ZDHHC5: variants seen among roughly 807,000 people sequenced by gnomAD.
ZDHHC5 encodes the protein palmitoyltransferase ZDHHC5.
A neutral mutation model predicts 70.0 loss-of-function variants in ZDHHC5; 22 were observed. The observed-to-expected ratio is 0.31, with a 90% CI of 0.22 to 0.45. ZDHHC5 has a LOEUF of 0.45. ZDHHC5 is among the 20% of genes least tolerant of loss of function. The pLI is 1.00. For synonymous variants in ZDHHC5, 313 were observed against 347.8 expected (o/e 0.90, Z 1.11); for missense variants, 746 against 926.9 (o/e 0.80, Z 2.53).
chr11:57,680,691 C>T (rs1388313540), intron 2 of ZDHHC5, among the ~76,000 whole-genome samples: 1 of 152,212 alleles, frequency 6.6e-6, no homozygotes, highest in Non-Finnish European at 1.5e-5. Flanking sequence ...TAGGGAGGGG[C>T]TCTGACCTGG....
At chr11:57,678,431 C>T (rs553981836) in intron 2 of ZDHHC5, among the ~76,000 whole-genome samples, 2 of 151,882 alleles carry the variant, frequency 1.3e-5, no homozygotes, top group East Asian at 1.9e-4. Flanking sequence ...ATTAGCCAGG[C>T]GTGGTGGTGG....
intron 2 of ZDHHC5, among the ~76,000 whole-genome samples, chr11:57,675,632 C>T (rs563644278): frequency 1.3e-5 from 2 of 152,322 alleles, no homozygotes; most frequent in South Asian, 4.1e-4. Context: ...AATTTCTGGG[C>T]TCCATCTTTT....
chr11:57,688,686 A>G (rs376213176), intron 4 of ZDHHC5, 21 bp downstream of exon 4: 21 of 1,570,446 alleles, frequency 1.3e-5, no homozygotes, highest in Middle Eastern at 1.7e-4. Flanking sequence ...TGGGTGGGGT[A>G]AGACTTCATG....
rs573191349 is a variant in ZDHHC5, at chr11:57,699,928, C to T, written c.2045C>T (p.Ser682Leu). Residue 682 changes from serine to leucine, a missense_variant, in exon 12 of 12, where the codon TCA (serine) becomes TTA (leucine). Coordinates refer to ENST00000287169, the MANE Select transcript of ZDHHC5 (RefSeq NM_015457.3). ...AACGGGCAGCCCAAGAGCTTAGGCTCAGCCTCCCCTGGCCCAGGCCAGCCA... is the reference window on the plus strand; with the variant it reads ...AACGGGCAGCCCAAGAGCTTAGGCTTAGCCTCCCCTGGCCCAGGCCAGCCA... ...KSNGQPKSLG[S>L]ASPGPGQPPL... The T allele has an allele frequency of 4.4e-5, 71 of 1,614,250 alleles. No homozygotes were observed. The South Asian group carries it at 5.3e-4, about 12-fold the overall frequency.
At chr11:57,668,546 C>T (rs1945956314) in intron 1 of ZDHHC5, 1 of 152,382 alleles carries the variant, frequency 6.6e-6, no homozygotes, top group Non-Finnish European at 1.5e-5. Flanking sequence ...GGCCTGGCCG[C>T]CGTGGATTCC....
At chr11:57,693,450 G>A (rs1946311394) in intron 7 of ZDHHC5, among the ~76,000 whole-genome samples, 2 of 152,184 alleles carry the variant, frequency 1.3e-5, no homozygotes, top group Non-Finnish European at 2.9e-5. Context: ...GTACTGGTCT[G>A]CGGCCCAGGG....
At position 57,690,405 on chromosome 11, in the gene ZDHHC5, C is replaced by T. The variant is rs1373194517; in HGVS notation, c.628C>T (p.Leu210=). The change falls in exon 6 of 12, where the codon CTG becomes TTG. Residue 210 remains leucine, a synonymous_variant. Transcript: ENST00000287169. ...VAGLTGFHVV[L]VARGRTTNEQ... Reference sequence around the variant, plus strand: ...TGGCCTCACGGGATTTCACGTGGTTCTGGTGGCCAGGGGACGCACAACCAA... The same window carrying T: ...TGGCCTCACGGGATTTCACGTGGTTTTGGTGGCCAGGGGACGCACAACCAA... The T allele has an allele frequency of 6.2e-7, 1 of 1,614,040 alleles. No individual in the cohort carries two copies. Among genetic ancestry groups the T allele is most frequent in the African/African-American group, 1.3e-5 (1 of 74,890 alleles).
chr11:57,696,835 A>G lies in ZDHHC5; in HGVS notation c.1084A>G (p.Ser362Gly), dbSNP rs762856116. 1 of 1,614,096 alleles carries G rather than the reference A, an allele frequency of 6.2e-7. No homozygotes were observed. The highest frequency in any genetic ancestry group is 8.5e-7 in the Non-Finnish European group (1 of 1,179,932). Residue 362 changes from serine to glycine, a missense_variant, in exon 10 of 12, where the codon AGT (serine) becomes GGT (glycine). Transcript: ENST00000287169. ...GTATCGGCCGGGTTACAGTAGCAGC[A>G]GTACGTCAGCTGCCATGCCGCATTC... is the stretch of plus-strand genomic sequence containing the variant. The part of the protein sequence containing the change: ...YKYRPGYSSS[S>G]TSAAMPHSSS...
chr11:57,669,415 A>G (rs995002603), intron 1 of ZDHHC5, among the ~76,000 whole-genome samples: 4 of 152,150 alleles, frequency 2.6e-5, no homozygotes, highest in African/African-American at 9.7e-5. Flanking sequence ...ACATATTTCC[A>G]TTTCATAGTT....
Position 57,690,161 on chromosome 11 carries a change from T to A in ZDHHC5, c.515T>A (p.Leu172His). The change falls in exon 5 of 12, where the codon CTC (leucine) becomes CAC (histidine). Residue 172 changes from leucine to histidine, a missense_variant. By Grantham distance (99) the Leu-to-His change is moderately conservative (BLOSUM62 -3). Coordinates refer to ENST00000287169, the MANE Select transcript of ZDHHC5 (RefSeq NM_015457.3). Reference protein sequence around the residue: ...GVFGFGLLYVLYHIEELSGVR... With the variant: ...GVFGFGLLYVHYHIEELSGVR... ...TTTGGCTTTGGCCTCCTTTATGTCC[T>A]CTACCACATAGAGGAACTCTCAGGG... is the stretch of plus-strand genomic sequence containing the variant. 1 of 1,614,090 alleles carries A rather than the reference T, an allele frequency of 6.2e-7. No individual in the cohort carries two copies.
rs759072765 is a variant in ZDHHC5 at position 57,693,905 on chromosome 11, G to A, written c.875G>A (p.Arg292Lys). Residue 292 changes from arginine to lysine, a missense_variant, in exon 8 of 12, where the codon AGG (arginine) becomes AAG (lysine). By Grantham distance (26) the Arg-to-Lys change is conservative. Around this residue, in one of 6 missense-constraint regions of ZDHHC5, gnomAD observed 179 missense variants for 178.4 expected, o/e 1.00. Transcript: ENST00000287169. ...IMDNGIQGEL[R>K]RTKSKGSLEI... ...GATAATGGCATCCAGGGAGAGCTGA[G>A]GAGAACAAAGGTGAGGAATTTAGAG... 7 of 1,610,722 alleles carry A rather than the reference G, an allele frequency of 4.3e-6. No individual in the cohort carries two copies. Among genetic ancestry groups the A allele is most frequent in the South Asian group, 3.3e-5 (3 of 90,234 alleles).
intron 6 of ZDHHC5, among the ~76,000 whole-genome samples, chr11:57,692,281 A>G (rs1342958860): frequency 1.3e-5 from 2 of 152,146 alleles, no homozygotes; most frequent in Non-Finnish European, 2.9e-5. Flanking sequence ...TCAGCCTCCC[A>G]AAGTGCTGGG....
At chr11:57,681,983 C>G (rs1463723045) in intron 2 of ZDHHC5, among the ~76,000 whole-genome samples, 1 of 152,192 alleles carries the variant, frequency 6.6e-6, no homozygotes, top group African/African-American at 2.4e-5. Context: ...TAGGTGGTAT[C>G]CCATGCTTTG....
chr11:57,670,820 ATTTT>A (rs36089922), intron 1 of ZDHHC5, among the ~76,000 whole-genome samples: 3 of 128,518 alleles, frequency 2.3e-5, no homozygotes, highest in Admixed American at 8.0e-5. Flanking sequence ...GAATCTTCTG[ATTTT>A]TTTTTTTTTT....
At chr11:57,678,660 G>A (rs562723926) in intron 2 of ZDHHC5, among the ~76,000 whole-genome samples, 1 of 151,380 alleles carries the variant, frequency 6.6e-6, no homozygotes, top group East Asian at 1.9e-4. Flanking sequence ...CGGGAGGATC[G>A]CTGAGCCCAG....
chr11:57,696,110 T>C, intron 9 of ZDHHC5, 67 bp downstream of exon 9: 3 of 1,544,878 alleles, frequency 1.9e-6, no homozygotes, highest in Non-Finnish European at 2.6e-6. Flanking sequence ...GCTTATGAGC[T>C]GTGGAAGACA....
intron 11 of ZDHHC5, 45 bp from the exon 12 acceptor site, chr11:57,699,821 T>G: frequency 6.2e-7 from 1 of 1,612,242 alleles, no homozygotes; most frequent in Non-Finnish European, 8.5e-7. Context: ...TTCCAATGTT[T>G]TCTGTCCCAT....
At position 57,698,978 on chromosome 11, in the gene ZDHHC5, G is replaced by A; in HGVS notation, c.1542G>A (p.Arg514=). Reference sequence around the variant, plus strand: ...TGGCCCAGCAACGGGAAGCTGAGAGGCACCCACGTTTGGTGCCAACTGGCC... The same window carrying A: ...TGGCCCAGCAACGGGAAGCTGAGAGACACCCACGTTTGGTGCCAACTGGCC... ...ARLAQQREAE[R]HPRLVPTGPT... Residue 514 remains arginine (R), a synonymous_variant, in exon 11 of 12, where the codon AGG becomes AGA. Coordinates refer to ENST00000287169, the MANE Select transcript of ZDHHC5 (RefSeq NM_015457.3). 1 of 1,611,566 alleles carries A rather than the reference G, an allele frequency of 6.2e-7. No individual in the cohort carries two copies. Among genetic ancestry groups the A allele is most frequent in the Non-Finnish European group, 8.5e-7 (1 of 1,180,000 alleles).
chr11:57,695,848 ATCAATT>A, intron 8 of ZDHHC5, 66 bp from the exon 9 acceptor site: 7 of 1,549,932 alleles, frequency 4.5e-6, no homozygotes, highest in Non-Finnish European at 6.1e-6. Context: ...TCCCTCTTAT[ATCAATT>A]TAATACTTTG....
Sources: gnomAD v4.1 joint callset for allele counts (sites outside exome capture counted in the v4.1 genomes callset) on GRCh38, gnomAD v4.1.1 for gene constraint, gnomAD v4.1.1 regional missense constraint, MANE v1.5 for transcripts, NCBI Gene and HGNC (gene_info 2026-07-23, HGNC 2026-07-21) for gene names.